The following MKLN1 variants were observed in gnomAD, a reference collection of about 807,000 sequenced individuals.
MKLN1 encodes muskelin 1.
In MKLN1, 18 loss-of-function variants were observed where a neutral mutation model predicts 99.0. The ratio of observed to expected loss-of-function variants is 0.18; its 90% CI spans 0.13 to 0.27. The LOEUF (loss-of-function observed/expected upper bound fraction) is 0.27. Among genes scored for constraint, MKLN1 ranks in the 10% least tolerant of loss-of-function variants. The pLI, the probability that MKLN1 is intolerant of heterozygous loss-of-function variation, is 1.00. For missense variants in MKLN1, 621 were observed against 875.9 expected, an observed-to-expected ratio of 0.71 and a Z score of 3.67; for synonymous variants, 288 against 293.2, an observed-to-expected ratio of 0.98 and a Z score of 0.18.
Position 131,415,121 on chromosome 7 carries a change from T to G in MKLN1, c.847+411T>G, listed in dbSNP as rs187313953. On this transcript the variant is annotated intron_variant, in intron 8 of 17. Coordinates refer to ENST00000352689, the MANE Select transcript of MKLN1 (RefSeq NM_013255.5). ...GTTGTTTTTTGTTTGGTTTTGTTTTTTTTTTTCCTGTCTTTTAAATTTTGT... is the reference window on the plus strand; with the variant it reads ...GTTGTTTTTTGTTTGGTTTTGTTTTGTTTTTTCCTGTCTTTTAAATTTTGT... 1.8e-3 allele frequency among the ~76,000 whole-genome samples: 274 copies of G among 151,862 alleles called. 1 individual carries two copies. Among genetic ancestry groups the G allele is most frequent in the African/African-American group, 6.1e-3 (254 of 41,514 alleles).
At chr7:131,212,059 C>T (rs995273698) in intron 3 of MKLN1, among the ~76,000 whole-genome samples, 13 of 152,184 alleles carry the variant, frequency 8.5e-5, no homozygotes, top group Admixed American at 5.2e-4. Flanking sequence ...TCAGTGTAAG[C>T]GGAGCTCTCT....
chr7:131,398,887 T>C (rs770423721), intron 5 of MKLN1, among the ~76,000 whole-genome samples: 26 of 152,332 alleles, frequency 1.7e-4, no homozygotes, highest in Middle Eastern at 6.8e-3. Context: ...AGTACCTGCA[T>C]TGTAATGGGA....
intron 13 of MKLN1, 81 bp downstream of exon 13, chr7:131,463,445 A>C: frequency 7.2e-7 from 1 of 1,382,130 alleles, no homozygotes; most frequent in Non-Finnish European, 1.0e-6. Context: ...GAGAGAAATG[A>C]GAGTATTACG....
Position 131,297,347 on chromosome 7 carries a change from G to A in MKLN1, c.-178-78077G>A, listed in dbSNP as rs191734063. On this transcript the variant is annotated intron_variant, in intron 3 of 7. Coordinates refer to the MKLN1 transcript ENST00000416992. Reference sequence around the variant, plus strand: ...CTGCACTCCAGTCTGGTGACAGAGCGAGACTCCGTCTCAAAAAACAAAATA... The same window carrying A: ...CTGCACTCCAGTCTGGTGACAGAGCAAGACTCCGTCTCAAAAAACAAAATA... Among the ~76,000 whole-genome samples, 365 of 152,016 alleles carry A rather than the reference G, an allele frequency of 2.4e-3. 3 individuals are homozygous for A. Among genetic ancestry groups the A allele is most frequent in the African/African-American group, 8.4e-3 (350 of 41,492 alleles).
intron 3 of MKLN1, among the ~76,000 whole-genome samples, chr7:131,231,335 A>G (rs1797241249): frequency 6.6e-6 from 1 of 152,094 alleles, no homozygotes; most frequent in Non-Finnish European, 1.5e-5. Flanking sequence ...CTTCAGGTAC[A>G]ACCCCAATTC....
chr7:131,336,709 A>G (rs1305355933), intron 1 of MKLN1, among the ~76,000 whole-genome samples: 2 of 152,156 alleles, frequency 1.3e-5, no homozygotes, highest in African/African-American at 2.4e-5. Flanking sequence ...TTAGGACCCT[A>G]GAAAACTTTA....
Position 131,443,565 on chromosome 7 carries a change from G to A in MKLN1, c.1258G>A (p.Ala420Thr). The A allele has an allele frequency of 6.2e-7, 1 of 1,614,122 alleles. No homozygotes were observed. Among genetic ancestry groups the A allele is most frequent in the Non-Finnish European group, 8.5e-7 (1 of 1,179,976 alleles). ...TCNGSVDDSR[A>T]SEPQFSGLFA... is the part of the protein sequence containing the mutation. ...TAATGGCAGCGTAGATGACAGCAGA[G>A]CCAGTGAACCACAATTCAGTGGCTT... Residue 420 changes from alanine to threonine, a missense_variant, in exon 11 of 18, where the codon GCC becomes ACC. Around this residue, in one of 8 missense-constraint regions of MKLN1, gnomAD observed 361 missense variants for 540.8 expected, o/e 0.67. Coordinates refer to ENST00000352689, the MANE Select transcript of MKLN1 (RefSeq NM_013255.5).
intron 3 of MKLN1, among the ~76,000 whole-genome samples, chr7:131,214,261 G>A (rs561160398): frequency 1.4e-4 from 21 of 152,180 alleles, no homozygotes; most frequent in South Asian, 1.0e-3. Flanking sequence ...GTCTAAGCCC[G>A]TCATAGTAAT....
chr7:131,186,381 G>A (rs1345262219), intron 2 of MKLN1, among the ~76,000 whole-genome samples: 4 of 152,152 alleles, frequency 2.6e-5, no homozygotes, highest in Non-Finnish European at 4.4e-5. Flanking sequence ...GGTAGCACAC[G>A]CCTGTAGCCC....
intron 1 of MKLN1, among the ~76,000 whole-genome samples, chr7:131,352,220 A>G (rs950646420): frequency 2.6e-5 from 4 of 152,224 alleles, no homozygotes; most frequent in Admixed American, 6.5e-5. Context: ...ATCTTAGGCC[A>G]GTGGGAGTCC....
At chr7:131,327,776 C>A (rs905884225), upstream of MKLN1, 6 of 1,433,296 alleles carry the variant, frequency 4.2e-6, no homozygotes, top group Non-Finnish European at 5.5e-6. Context: ...GCTCGGGTAA[C>A]GATGCGGGGC....
chr7:131,470,769 T>C, intron 15 of MKLN1, 73 bp from the exon 16 acceptor site: 3 of 984,594 alleles, frequency 3.0e-6, no homozygotes, highest in Non-Finnish European at 3.2e-6. Context: ...CAGTGTATTT[T>C]ATTCCAGGTC....
chr7:131,355,736 C>CT (rs1799856645), intron 1 of MKLN1, among the ~76,000 whole-genome samples: 1 of 150,092 alleles, frequency 6.7e-6, no homozygotes, highest in South Asian at 2.1e-4. Flanking sequence ...TCATAGCTCA[C>CT]TGGAACCTCA....
chr7:131,367,096 A>G (rs1348978852), intron 1 of MKLN1, among the ~76,000 whole-genome samples: 2 of 152,332 alleles, frequency 1.3e-5, no homozygotes, highest in African/African-American at 4.8e-5. Context: ...TTCATTATAA[A>G]TTTTTAAAGT....
intron 2 of MKLN1, among the ~76,000 whole-genome samples, chr7:131,375,824 G>C (rs1793629058): frequency 2.0e-5 from 3 of 150,192 alleles, no homozygotes; most frequent in Admixed American, 2.0e-4. Flanking sequence ...AACTTAAATA[G>C]TTTATTTTAT....
At chr7:131,477,964 A>G (rs1225640157) in intron 16 of MKLN1, among the ~76,000 whole-genome samples, 2 of 152,228 alleles carry the variant, frequency 1.3e-5, no homozygotes, top group Admixed American at 6.5e-5. Flanking sequence ...TAATGTTGCA[A>G]TAGTTTTGTC....
intron 3 of MKLN1, among the ~76,000 whole-genome samples, chr7:131,204,619 C>T (rs1244773122): frequency 6.6e-6 from 1 of 151,530 alleles, no homozygotes; most frequent in Non-Finnish European, 1.5e-5. Flanking sequence ...ATCACGAGGT[C>T]AGGAGTTCAA....
intron 2 of MKLN1, among the ~76,000 whole-genome samples, chr7:131,161,781 C>T (rs959715245): frequency 1.2e-4 from 18 of 151,614 alleles, no homozygotes; most frequent in South Asian, 2.1e-4. Flanking sequence ...CCTCGTGATC[C>T]GCCCGCCTCG....
At chr7:131,241,645 G>T (rs1391994059) in intron 3 of MKLN1, among the ~76,000 whole-genome samples, 1 of 152,186 alleles carries the variant, frequency 6.6e-6, no homozygotes, top group African/African-American at 2.4e-5. Flanking sequence ...GTGAGATCTT[G>T]TCTAAACAAA....
Sources: gnomAD v4.1 joint callset for allele counts (sites outside exome capture counted in the v4.1 genomes callset) on GRCh38, gnomAD v4.1.1 for gene constraint, gnomAD v4.1.1 regional missense constraint, MANE v1.5 for transcripts, NCBI Gene and HGNC (gene_info 2026-07-23, HGNC 2026-07-21) for gene names.